GMPPA: variants seen among roughly 807,000 people sequenced by gnomAD.
The protein encoded by GMPPA is GDP-mannose pyrophosphorylase A, also known as mannose-1-phosphate guanylyltransferase regulatory subunit alpha.
A neutral mutation model predicts 58.6 loss-of-function variants in GMPPA; 46 were observed. The observed-to-expected ratio is 0.78, with a 90% confidence interval of 0.62 to 1.00. The LOEUF is 1.00. Among genes scored for constraint, GMPPA ranks in the 50% least tolerant of loss-of-function variants. The probability of loss-of-function intolerance (pLI) is 0.00; values close to 1 mark genes in which losing one functional copy is unlikely to be tolerated. For synonymous variants in GMPPA, 211 were observed against 214.9 expected (o/e 0.98, Z 0.16); for missense variants, 468 against 556.4 (o/e 0.84, Z 1.60).
At position 219,505,219 on chromosome 2, in the gene GMPPA, C is replaced by T. The variant is rs774035799; in HGVS notation, c.621-9C>T. 4.0e-5 allele frequency: 64 copies of T among 1,612,368 alleles called. 1 individual carries two copies. The Middle Eastern group carries it at 5.0e-4, about 13-fold the overall frequency. ...GGGGACTAATGTCAGCATTCTTCCT[C>T]TCTGCCAGGGAGGACTCACCAGGCT... On this transcript the variant is annotated splice_polypyrimidine_tract_variant and intron_variant, in intron 7 of 12. Coordinates refer to ENST00000313597, the MANE Select transcript of GMPPA (RefSeq NM_013335.4).
At chr2:219,503,650 T>C (rs1694475983) in intron 6 of GMPPA, among the ~76,000 whole-genome samples, 1 of 152,058 alleles carries the variant, frequency 6.6e-6, no homozygotes, top group East Asian at 1.9e-4. Flanking sequence ...TACAATGCCA[T>C]GGGTGAGGCG....
intron 12 of GMPPA, 50 bp downstream of exon 12, chr2:219,506,472 A>C (rs774089217): frequency 2.1e-5 from 32 of 1,548,136 alleles, no homozygotes; most frequent in Admixed American, 3.5e-5. Flanking sequence ...GCTGATGGCC[A>C]GTGGCCCCGG....
chr2:219,501,270 TAAAAC>T (rs1303344066), intron 3 of GMPPA: 6 of 565,788 alleles, frequency 1.1e-5, no homozygotes, highest in Non-Finnish European at 1.9e-5. Context: ...TTCACAAAAA[TAAAAC>T]AAAACGAAAA....
chr2:219,501,452 C>T (rs1358063187), intron 3 of GMPPA, 24 bp from the exon 4 acceptor site: 1 of 1,316,074 alleles, frequency 7.6e-7, no homozygotes, highest in African/African-American at 1.4e-5. Context: ...TATTCTTCAT[C>T]CCAGCCTCTT....
intron 3 of GMPPA, chr2:219,500,503 A>G: frequency 2.1e-6 from 1 of 486,298 alleles, no homozygotes; most frequent in Admixed American, 3.4e-5. Flanking sequence ...AAGCCGTAGC[A>G]TGGAGACTCT....
At position 219,506,293 on chromosome 2, in the gene GMPPA, A is replaced by T; in HGVS notation, c.1033A>T (p.Ser345Cys). The part of the protein sequence containing the change: ...CVLHSIVGWG[S>C]TVGRWARVEG... Reference sequence around the variant, plus strand: ...TCTGCATAGCATCGTGGGCTGGGGGAGCACCGTGGGACGCTGGGCCCGCGT... The same window carrying T: ...TCTGCATAGCATCGTGGGCTGGGGGTGCACCGTGGGACGCTGGGCCCGCGT... Residue 345 changes from serine (S) to cysteine (C), a missense_variant, in exon 12 of 13, where the codon AGC becomes TGC. Ser to Cys is a moderately radical substitution (Grantham distance 112). Transcript: ENST00000313597. 6.2e-7 allele frequency: 1 copy of T among 1,613,462 alleles called. No homozygotes were observed. Among genetic ancestry groups the T allele is most frequent in the Non-Finnish European group, 8.5e-7 (1 of 1,179,810 alleles).
At position 219,499,986 on chromosome 2, in the gene GMPPA, C is replaced by T. The variant is rs762324061; in HGVS notation, c.11C>T (p.Ala4Val). 23 of 1,613,370 alleles carry T rather than the reference C, an allele frequency of 1.4e-5. No homozygotes were observed. In the East Asian group the frequency reaches 2.2e-4, roughly 16 times the overall value. The change falls in exon 2 of 13, where the codon GCG becomes GTG. Residue 4 changes from alanine to valine, a missense_variant. Ala to Val is a moderately conservative substitution (Grantham distance 64). Transcript: ENST00000313597. ...GTAGCAGTCACCATTATGCTCAAAGCGGTGATCCTGATTGGAGGCCCTCAA... is the reference window on the plus strand; with the variant it reads ...GTAGCAGTCACCATTATGCTCAAAGTGGTGATCCTGATTGGAGGCCCTCAA... MLKAVILIGGPQKG... is the reference protein window; with the variant it reads MLKVVILIGGPQKG...
chr2:219,504,214 G>T lies in GMPPA; in HGVS notation c.620+1G>T. The T allele has an allele frequency of 6.2e-7, 1 of 1,613,970 alleles. No individual in the cohort carries two copies. Among genetic ancestry groups the T allele is most frequent in the Non-Finnish European group, 8.5e-7 (1 of 1,179,926 alleles). On this transcript the variant is annotated splice_donor_variant, in intron 7 of 12. Transcript: ENST00000313597. LOFTEE classifies it high-confidence loss of function. ...AGCGTAATCAGCAGGATGGGCAATTGTGAGGCAGGCCCCATAGCCCTGTGA... is the reference window on the plus strand; with the variant it reads ...AGCGTAATCAGCAGGATGGGCAATTTTGAGGCAGGCCCCATAGCCCTGTGA...
intron 1 of GMPPA, 149 bp from the exon 2 acceptor site, chr2:219,499,807 G>T (rs1364734456): frequency 1.0e-5 from 7 of 672,340 alleles, no homozygotes; most frequent in South Asian, 6.9e-5. Context: ...GATTTGAGAT[G>T]TGTGGGATTT....
chr2:219,505,939 C>A, intron 10 of GMPPA, 41 bp from the exon 11 acceptor site: 1 of 1,393,500 alleles, frequency 7.2e-7, no homozygotes, highest in Non-Finnish European at 9.8e-7. Context: ...GGGGATCCTC[C>A]AAGTCCCTCC....
At chr2:219,501,409 C>T (rs1035485082) in intron 3 of GMPPA, 67 bp from the exon 4 acceptor site, 32 of 1,033,360 alleles carry the variant, frequency 3.1e-5, no homozygotes, top group Non-Finnish European at 4.0e-5. Flanking sequence ...TGGGCCAGCA[C>T]CAAGGATTTC....
At position 219,499,967 on chromosome 2, in the gene GMPPA, G is replaced by A. The variant is rs1229622342; in HGVS notation, c.-9G>A. 6.2e-7 allele frequency: 1 copy of A among 1,613,020 alleles called. No homozygotes were observed. Among genetic ancestry groups the A allele is most frequent in the East Asian group, 2.2e-5 (1 of 44,886 alleles). On this transcript the variant is annotated 5_prime_UTR_variant, in exon 2 of 13. Coordinates refer to ENST00000313597, the MANE Select transcript of GMPPA (RefSeq NM_013335.4). ...GTTGGAATTTGAAGTTTAGGTAGCA[G>A]TCACCATTATGCTCAAAGCGGTGAT...
At position 219,500,033 on chromosome 2, in the gene GMPPA, TG is replaced by T. The variant is rs760771767; in HGVS notation, c.40+24del. ...TCAAAAGGGTGAGGTGCCAGGGGAA[TG>T]GGGGGAGGAGGTTGGGCTGGAGTGG... On this transcript the variant is annotated intron_variant, in intron 2 of 12. Coordinates refer to ENST00000313597, the MANE Select transcript of GMPPA (RefSeq NM_013335.4). 22 of 1,611,706 alleles carry T rather than the reference TG, an allele frequency of 1.4e-5. No homozygotes were observed. The South Asian group carries it at 1.9e-4, about 14-fold the overall frequency.
intron 7 of GMPPA, 132 bp downstream of exon 7, chr2:219,504,345 C>G: frequency 1.3e-6 from 1 of 787,608 alleles, no homozygotes; most frequent in Non-Finnish European, 2.0e-6. Flanking sequence ...CTTGCCATCT[C>G]CAGCAGAGCC....
intron 7 of GMPPA, chr2:219,505,024 A>G (rs187040246): frequency 2.0e-4 from 170 of 845,128 alleles, no homozygotes; most frequent in Non-Finnish European, 2.8e-4. Flanking sequence ...CTCCCTTGTG[A>G]TAGCACCCAC....
In GMPPA at chr2:219,506,029, T is replaced by G. The variant is rs755878658; in HGVS notation, c.950T>G (p.Val317Gly). ...AAGGGGGTGACCGTGGGTGAGGGTG[T>G]GCGGCTCCGGGAGAGCATCGTCCTC... ...IGKGVTVGEG[V>G]RLRESIVLHG... Residue 317 changes from valine (V) to glycine (G), a missense_variant, in exon 11 of 13, where the codon GTG becomes GGG. By Grantham distance (109) the Val-to-Gly change is moderately radical. Coordinates refer to ENST00000313597, the MANE Select transcript of GMPPA (RefSeq NM_013335.4). 19 of 1,595,886 alleles carry G rather than the reference T, an allele frequency of 1.2e-5. No homozygotes were observed. The South Asian group carries it at 1.9e-4, about 16-fold the overall frequency.
chr2:219,502,324 A>AG lies in GMPPA; in HGVS notation c.430-58_430-57insG, dbSNP rs1694428361. ...TGTAGCGGAGGGAAAGAAAGAAAAA[A>AG]CAGACGTGGCTGCCCTGGAGCAGGC... is the stretch of plus-strand genomic sequence containing the variant. On this transcript the variant is annotated intron_variant, in intron 5 of 12. Coordinates refer to ENST00000313597, the MANE Select transcript of GMPPA (RefSeq NM_013335.4). The surrounding 1 kb of genome is among the most constrained non-coding windows in gnomAD (Gnocchi z 4.0). The AG allele has an allele frequency of 1.3e-6, 2 of 1,488,828 alleles. No individual in the cohort carries two copies. 92.2% of individuals were successfully genotyped at this position (1,488,828 alleles called of 1,614,324 possible). A position where few individuals can be genotyped will look rare whatever the true frequency, so the allele number is the denominator to read the frequency against.
chr2:219,505,016 C>A, intron 7 of GMPPA: 1 of 845,292 alleles, frequency 1.2e-6, no homozygotes, highest in South Asian at 2.2e-5. Context: ...GCCTGGGGCT[C>A]CCTTGTGATA....
rs1694331312 is a variant in GMPPA, at chr2:219,499,989, T to G, written c.14T>G (p.Val5Gly). ...GCAGTCACCATTATGCTCAAAGCGG[T>G]GATCCTGATTGGAGGCCCTCAAAAG... MLKA[V>G]ILIGGPQKGT... is the part of the protein sequence containing the mutation. Residue 5 changes from valine (V) to glycine (G), a missense_variant, in exon 2 of 13, where the codon GTG (valine) becomes GGG (glycine). Coordinates refer to ENST00000313597, the MANE Select transcript of GMPPA (RefSeq NM_013335.4). 1 of 1,613,698 alleles carries G rather than the reference T, an allele frequency of 6.2e-7. No individual in the cohort carries two copies. Among genetic ancestry groups the G allele is most frequent in the South Asian group, 1.1e-5 (1 of 91,078 alleles).
Sources: gnomAD v4.1 joint callset for allele counts (sites outside exome capture counted in the v4.1 genomes callset) on GRCh38, gnomAD v4.1.1 for gene constraint, Gnocchi (gnomAD v3.1) non-coding constraint, MANE v1.5 for transcripts, NCBI Gene and HGNC (gene_info 2026-07-23, HGNC 2026-07-21) for gene names.